The following ZNF425 variants were observed in gnomAD, a reference collection of about 807,000 sequenced individuals.
The protein encoded by ZNF425 is zinc finger protein 425.
Under a neutral mutation model 17.0 loss-of-function variants are expected in ZNF425, and 21 were observed. The observed-to-expected ratio is 1.23, with a 90% confidence interval of 0.88 to 1.78. The LOEUF (loss-of-function observed/expected upper bound fraction) is 1.78, where lower values mean the gene tolerates loss of function less well. Among genes scored for constraint, ZNF425 ranks in the 40% most tolerant of loss-of-function variants. The pLI is 0.00. For missense variants in ZNF425, 868 were observed against 967.3 expected, an observed-to-expected ratio of 0.90 and a Z score of 1.36; for synonymous variants, 433 against 384.1, an observed-to-expected ratio of 1.13 and a Z score of -1.49.
chr7:149,116,989 G>C (rs562787199), intron 2 of ZNF425, among the ~76,000 whole-genome samples: 7 of 152,116 alleles, frequency 4.6e-5, no homozygotes, highest in Non-Finnish European at 8.8e-5. Context: ...GAGGCCAGGC[G>C]TGGTGGCTCA....
intron 1 of ZNF425, among the ~76,000 whole-genome samples, chr7:149,124,105 C>G (rs999098754): frequency 6.6e-6 from 1 of 151,374 alleles, no homozygotes; most frequent in Non-Finnish European, 1.5e-5. Flanking sequence ...GCTCGGCCTC[C>G]CAAAGTGCTG....
intron 3 of ZNF425, among the ~76,000 whole-genome samples, chr7:149,106,264 G>T (rs1182724385): frequency 1.3e-5 from 2 of 151,088 alleles, no homozygotes; most frequent in African/African-American, 4.9e-5. Flanking sequence ...AAAATTTTTT[G>T]AGACAGTCTC....
intron 3 of ZNF425, among the ~76,000 whole-genome samples, chr7:149,107,835 C>CTTATTT (rs146319691): frequency 2.9e-5 from 4 of 138,010 alleles, no homozygotes; most frequent in Admixed American, 7.6e-5. Flanking sequence ...AACTCTCTCC[C>CTTATTT]ATTTATTTAT....
In ZNF425 at chr7:149,107,339, TTATTTATTTTTTTTC is replaced by T. The variant is rs1174705755; in HGVS notation, c.305-1788_305-1774del. Among the ~76,000 whole-genome samples the T allele has an allele frequency of 6.1e-5, 8 of 130,394 alleles. 1 individual carries two copies. Among genetic ancestry groups the T allele is most frequent in the South Asian group, 2.2e-4 (1 of 4,512 alleles). 85.5% of individuals were successfully genotyped at this position (130,394 alleles called of 152,430 possible). On this transcript the variant is annotated intron_variant, in intron 3 of 3. Transcript: ENST00000378061. ...TTTATTTATTTATTTATTTATTTAT[TTATTTATTTTTTTTC>T]TGAGACAGAGTCTAGCTCTGTCGCC...
At position 149,126,233 on chromosome 7, in the gene ZNF425, G is replaced by T. The variant is rs1296509236; in HGVS notation, c.-20C>A. 3 of 1,609,438 alleles carry T rather than the reference G, an allele frequency of 1.9e-6. No homozygotes were observed. The highest frequency in any genetic ancestry group is 2.5e-6 in the Non-Finnish European group (3 of 1,178,360). On this transcript the variant is annotated 5_prime_UTR_variant, in exon 1 of 4. Coordinates refer to ENST00000378061, the MANE Select transcript of ZNF425 (RefSeq NM_001001661.3). Reference sequence around the variant, plus strand: ...GGCCATGGCGGTTCCGCACGAACCGGCCCTGCCTGGCACGGCCTCCCCTCC... The same window carrying T: ...GGCCATGGCGGTTCCGCACGAACCGTCCCTGCCTGGCACGGCCTCCCCTCC...
At position 149,104,506 on chromosome 7, in the gene ZNF425, G is replaced by A. The variant is rs747431173; in HGVS notation, c.1365C>T (p.Asn455=). 3.0e-5 allele frequency: 48 copies of A among 1,598,550 alleles called. No individual in the cohort carries two copies. Among genetic ancestry groups the A allele is most frequent in the African/African-American group, 5.4e-5 (4 of 74,330 alleles). ...PECSRGFFWR[N]AMRAHQRLHS... Reference sequence around the variant, plus strand: ...GCAGGCGCTGGTGGGCGCGCATGGCGTTCCTCCAGAAGAAGCCCCTGCTGC... The same window carrying A: ...GCAGGCGCTGGTGGGCGCGCATGGCATTCCTCCAGAAGAAGCCCCTGCTGC... Residue 455 remains asparagine (N), a synonymous_variant, in exon 4 of 4, where the codon AAC becomes AAT. Coordinates refer to ENST00000378061, the MANE Select transcript of ZNF425 (RefSeq NM_001001661.3). This position sits in a 1 kb window ranked among gnomAD's most constrained non-coding sequence, Gnocchi z 4.3.
At chr7:149,121,968 T>G (rs1304491739) in intron 1 of ZNF425, among the ~76,000 whole-genome samples, 1 of 152,122 alleles carries the variant, frequency 6.6e-6, no homozygotes, top group Non-Finnish European at 1.5e-5. Context: ...CAGGCTGGAG[T>G]GCAGTGGTGC....
chr7:149,111,625 T>TA (rs1563146558), intron 3 of ZNF425, among the ~76,000 whole-genome samples: 1,791 of 130,256 alleles, frequency 0.014, 52 homozygotes, highest in African/African-American at 0.049. Context: ...AAAAAAATTA[T>TA]ATATCTATAT....
At chr7:149,124,735 T>C (rs1826426633) in intron 1 of ZNF425, among the ~76,000 whole-genome samples, 1 of 151,556 alleles carries the variant, frequency 6.6e-6, no homozygotes, top group Non-Finnish European at 1.5e-5. Context: ...GAGACGGGCT[T>C]TCTCCATGTT....
At chr7:149,125,805 TC>T in intron 1 of ZNF425, 1 of 371,208 alleles carries the variant, frequency 2.7e-6, no homozygotes, top group South Asian at 2.4e-5. Flanking sequence ...CTGGGCCGGT[TC>T]CCCCTCCCTG....
chr7:149,119,876 T>C (rs1314558996), intron 1 of ZNF425, among the ~76,000 whole-genome samples: 3 of 152,188 alleles, frequency 2.0e-5, no homozygotes, highest in Non-Finnish European at 4.4e-5. Flanking sequence ...TTATAAGTAA[T>C]TGAGACATGA....
rs930596704 is a variant in ZNF425, at chr7:149,103,538, C to A, written c.*74G>T. ...CGATCTTACCCTGTGAATCCTTCAA[C>A]CTGCCTCAACTTGAGCCAACAGAGC... On this transcript the variant is annotated 3_prime_UTR_variant, in exon 4 of 4. Coordinates refer to ENST00000378061, the MANE Select transcript of ZNF425 (RefSeq NM_001001661.3). The A allele has an allele frequency of 6.7e-7, 1 of 1,501,284 alleles. No individual in the cohort carries two copies. 93.0% of individuals were successfully genotyped at this position (1,501,284 alleles called of 1,614,324 possible).
intron 1 of ZNF425, chr7:149,118,584 G>T: frequency 2.1e-6 from 1 of 475,176 alleles, no homozygotes. Flanking sequence ...AGGCCAAAGT[G>T]GGTGGATCAC....
intron 2 of ZNF425, among the ~76,000 whole-genome samples, chr7:149,116,220 G>A (rs893379106): frequency 1.3e-5 from 2 of 152,094 alleles, no homozygotes; most frequent in African/African-American, 2.4e-5. Flanking sequence ...TCACTATAAC[G>A]TCTTCCAATT....
At chr7:149,106,528 G>A (rs146874759) in intron 3 of ZNF425, among the ~76,000 whole-genome samples, 2,074 of 152,242 alleles carry the variant, frequency 0.014, 23 homozygotes, top group Non-Finnish European at 0.02. Context: ...GAGCCACCGT[G>A]CCTAGCCATT....
chr7:149,125,284 G>GA (rs1826442241), intron 1 of ZNF425, among the ~76,000 whole-genome samples: 1 of 152,192 alleles, frequency 6.6e-6, no homozygotes, highest in African/African-American at 2.4e-5. Flanking sequence ...ATACTTAACT[G>GA]AATGTAACAG....
In ZNF425 at chr7:149,124,031, T is replaced by C. The variant is rs1392851166; in HGVS notation, c.18+2165A>G. Among the ~76,000 whole-genome samples, 2 of 148,386 alleles carry C rather than the reference T, an allele frequency of 1.3e-5. 1 individual carries two copies. Among genetic ancestry groups the C allele is most frequent in the Middle Eastern group, 7.3e-3 (2 of 274 alleles). On this transcript the variant is annotated intron_variant, in intron 1 of 3. Coordinates refer to ENST00000378061, the MANE Select transcript of ZNF425 (RefSeq NM_001001661.3). ...CCCGGCTAATTTTTTGTCTTTTTAG[T>C]AGAGACGGGGTTTCACCGTGTTAGC... is the stretch of plus-strand genomic sequence containing the variant.
intron 1 of ZNF425, among the ~76,000 whole-genome samples, chr7:149,121,641 C>T (rs532461052): frequency 1.5e-4 from 23 of 152,228 alleles, no homozygotes; most frequent in East Asian, 1.4e-3. Flanking sequence ...CCGCCCACCT[C>T]GGCCTCCCAA....
chr7:149,113,887 T>C (rs1479208775), intron 2 of ZNF425, among the ~76,000 whole-genome samples: 1 of 151,562 alleles, frequency 6.6e-6, no homozygotes, highest in Non-Finnish European at 1.5e-5. Context: ...CGGTGGTGTA[T>C]GCCTGTGGTC....
Sources: allele counts gnomAD v4.1 joint callset (sites outside exome capture counted in the v4.1 genomes callset), GRCh38; gene constraint gnomAD v4.1.1; non-coding constraint Gnocchi (gnomAD v3.1); transcripts MANE v1.5; gene names NCBI Gene and HGNC (gene_info 2026-07-23, HGNC 2026-07-21).